Variants in SHANK2 observed in about 807,000 individuals in gnomAD.
SHANK2 encodes SH3 and multiple ankyrin repeat domains protein 2.
A neutral mutation model predicts 133.7 loss-of-function variants in SHANK2; 43 were observed. The observed-to-expected ratio is 0.32, with a 90% CI of 0.25 to 0.41. The LOEUF (loss-of-function observed/expected upper bound fraction) is 0.41, where lower values mean the gene tolerates loss of function less well. SHANK2 is among the 10% of genes least tolerant of loss of function. The probability of loss-of-function intolerance (pLI) is 1.00; values close to 1 mark genes in which losing one functional copy is unlikely to be tolerated. For missense variants in SHANK2, 1,994 were observed against 2,235.8 expected (o/e 0.89, Z 2.18); for synonymous variants, 1,017 against 952.8 (o/e 1.07, Z -1.24).
rs34539549 is a variant in SHANK2 at position 70,587,698 on chromosome 11, GTTT to G, written c.2061+72127_2061+72129del. Among the ~76,000 whole-genome samples the G allele has an allele frequency of 1.5e-3, 175 of 119,720 alleles. 1 individual carries two copies. The East Asian group carries it at 0.026, about 17-fold the overall frequency. 78.5% of individuals were successfully genotyped at this position (119,720 alleles called of 152,430 possible). A position where few individuals can be genotyped will look rare whatever the true frequency, so the allele number is the denominator to read the frequency against. ...GGCAACCCATTGTTGAGCACGTCCAGTTTTTTTTTTTTTTTTTTTTTTAAGAGA... is the reference window on the plus strand; with the variant it reads ...GGCAACCCATTGTTGAGCACGTCCAGTTTTTTTTTTTTTTTTTTTAAGAGA... On this transcript the variant is annotated intron_variant, in intron 17 of 25. Coordinates refer to ENST00000601538, the MANE Select transcript of SHANK2 (RefSeq NM_012309.5).
rs2135272564 is a variant in SHANK2 at position 70,807,320 on chromosome 11, A to G, written c.1494-149T>C. The G allele has an allele frequency of 1.6e-6, 1 of 633,112 alleles. No individual in the cohort carries two copies. The highest frequency in any genetic ancestry group is 2.7e-5 in the East Asian group (1 of 36,564). The allele number at this position is 633,112 out of a possible 1,614,324, so 39.2% of individuals were successfully genotyped here. On this transcript the variant is annotated intron_variant, in intron 12 of 25. Coordinates refer to ENST00000601538, the MANE Select transcript of SHANK2 (RefSeq NM_012309.5). The surrounding 1 kb of genome is among the most constrained non-coding windows in gnomAD (Gnocchi z 4.8). ...TGATGCCAGACAGGAAGATGGGAAC[A>G]GGCCGGGGCAGCACTGTGGTCAGAG...
At chr11:71,199,954 C>T (rs1386839368) in intron 2 of SHANK2, among the ~76,000 whole-genome samples, 1 of 152,148 alleles carries the variant, frequency 6.6e-6, no homozygotes, top group Admixed American at 6.5e-5. Context: ...ATGGTTTTGT[C>T]TTTTAGGGCA....
chr11:71,238,337 G>C (rs1433761436), intron 1 of SHANK2, among the ~76,000 whole-genome samples: 3 of 152,204 alleles, frequency 2.0e-5, no homozygotes, highest in Non-Finnish European at 2.9e-5. Flanking sequence ...ATGACAGTAA[G>C]AACAGTTGGC....
At chr11:70,518,175 C>A (rs1343903894) in intron 17 of SHANK2, among the ~76,000 whole-genome samples, 1 of 152,202 alleles carries the variant, frequency 6.6e-6, no homozygotes, top group South Asian at 2.1e-4. Flanking sequence ...CCACCCAGCC[C>A]CTGGGGCGAT....
intron 17 of SHANK2, among the ~76,000 whole-genome samples, chr11:70,636,549 G>A (rs553340616): frequency 4.2e-5 from 6 of 142,074 alleles, no homozygotes; most frequent in African/African-American, 1.3e-4. Flanking sequence ...GTGTGAATGC[G>A]TGTTAGTACA....
chr11:71,129,684 T>C (rs782713652), intron 3 of SHANK2, among the ~76,000 whole-genome samples: 1 of 151,838 alleles, frequency 6.6e-6, no homozygotes, highest in Admixed American at 6.6e-5. Flanking sequence ...TGAGGGAAGG[T>C]CACTCACACT....
intron 17 of SHANK2, chr11:70,604,018 C>T (rs1224222647): frequency 6.6e-6 from 1 of 152,406 alleles, no homozygotes; most frequent in Non-Finnish European, 1.5e-5. Flanking sequence ...TGTTAGCTGC[C>T]TGCCGCCCCA....
chr11:70,706,256 C>T (rs1428856651), intron 14 of SHANK2, among the ~76,000 whole-genome samples: 1 of 152,228 alleles, frequency 6.6e-6, no homozygotes, highest in African/African-American at 2.4e-5. Context: ...CATTTCACTG[C>T]AATGCTAGCT....
intron 21 of SHANK2, among the ~76,000 whole-genome samples, chr11:70,498,068 C>A (rs568907953): frequency 6.0e-4 from 91 of 152,372 alleles, no homozygotes; most frequent in African/African-American, 2.1e-3. Flanking sequence ...CTTCAGCTTT[C>A]CTGGGACCTG....
intron 14 of SHANK2, among the ~76,000 whole-genome samples, chr11:70,780,627 G>A (rs1217056960): frequency 6.8e-6 from 1 of 147,602 alleles, no homozygotes; most frequent in Non-Finnish European, 1.5e-5. Context: ...AGGCTGGAGT[G>A]CAATGGCACA....
At chr11:70,806,697 G>A (rs1238323079) in intron 13 of SHANK2, among the ~76,000 whole-genome samples, 1 of 152,142 alleles carries the variant, frequency 6.6e-6, no homozygotes, top group African/African-American at 2.4e-5. Context: ...TTAGGGGATG[G>A]AAAGGAGCTC....
chr11:70,527,238 A>G (rs1455707679), intron 17 of SHANK2, among the ~76,000 whole-genome samples: 1 of 151,796 alleles, frequency 6.6e-6, no homozygotes, highest in African/African-American at 2.4e-5. Context: ...CCCTGTCCCC[A>G]CCCCCAGGAC....
intron 21 of SHANK2, among the ~76,000 whole-genome samples, chr11:70,496,396 G>A (rs1307427949): frequency 2.0e-5 from 3 of 152,166 alleles, no homozygotes; most frequent in Middle Eastern, 3.2e-3. Context: ...CCTCCCTGGG[G>A]CACCGCCTCG....
intron 1 of SHANK2, among the ~76,000 whole-genome samples, chr11:71,228,668 G>T (rs922500607): frequency 4.6e-5 from 7 of 152,222 alleles, no homozygotes; most frequent in Non-Finnish European, 8.8e-5. Context: ...TGAGGCAGGA[G>T]AATCGTTTAA....
At chr11:70,787,086 C>G (rs1346959862) in intron 14 of SHANK2, among the ~76,000 whole-genome samples, 2 of 150,364 alleles carry the variant, frequency 1.3e-5, no homozygotes, top group Non-Finnish European at 1.5e-5. Context: ...ACCACCACCA[C>G]CAGCATCACC....
intron 17 of SHANK2, among the ~76,000 whole-genome samples, chr11:70,571,610 G>T (rs1301176690): frequency 2.0e-5 from 3 of 152,210 alleles, no homozygotes; most frequent in African/African-American, 7.2e-5. Context: ...CTAGGGAGGA[G>T]AGGTGAGCTG....
At chr11:71,251,300 G>T (rs1369525370) in intron 1 of SHANK2, among the ~76,000 whole-genome samples, 3 of 152,216 alleles carry the variant, frequency 2.0e-5, no homozygotes, top group Non-Finnish European at 4.4e-5. Flanking sequence ...AGACCCGCCT[G>T]GAGGGCGCCG....
chr11:70,897,777 T>G (rs78751829), intron 10 of SHANK2, among the ~76,000 whole-genome samples: 8,098 of 152,228 alleles, frequency 0.053, 396 homozygotes, highest in African/African-American at 0.13. Flanking sequence ...TCAAAGGACC[T>G]TTCCTTTAGG....
At chr11:71,107,456 T>C (rs961205064) in intron 6 of SHANK2, among the ~76,000 whole-genome samples, 1 of 152,158 alleles carries the variant, frequency 6.6e-6, no homozygotes, top group Non-Finnish European at 1.5e-5. Context: ...TTGTGATCAG[T>C]AAACCAGCCC....
Sources: allele counts gnomAD v4.1 joint callset (sites outside exome capture counted in the v4.1 genomes callset), GRCh38; gene constraint gnomAD v4.1.1; non-coding constraint Gnocchi (gnomAD v3.1); transcripts MANE v1.5; gene names NCBI Gene and HGNC (gene_info 2026-07-23, HGNC 2026-07-21).